Variants in ZDHHC14 observed in about 807,000 individuals in gnomAD.
ZDHHC14 encodes the protein palmitoyltransferase ZDHHC14.
ZDHHC14 carries 16 observed loss-of-function variants against 47.7 expected under a neutral mutation model. The observed-to-expected ratio is 0.34, with a 90% CI of 0.23 to 0.51. ZDHHC14 has a LOEUF of 0.51. Ranked by LOEUF, ZDHHC14 falls within the 20% of genes least tolerant of loss-of-function variation. The pLI is 0.97. For synonymous variants in ZDHHC14, 293 were observed against 278.9 expected (o/e 1.05, Z -0.50); for missense variants, 515 against 662.5 (o/e 0.78, Z 2.44).
At chr6:157,514,542 G>A (rs1780609498) in intron 1 of ZDHHC14, among the ~76,000 whole-genome samples, 1 of 152,254 alleles carries the variant, frequency 6.6e-6, no homozygotes, top group African/African-American at 2.4e-5. Flanking sequence ...ATTGGAAGAA[G>A]TCCCTGGAAT....
At chr6:157,566,419 A>G (rs1486879972) in intron 2 of ZDHHC14, among the ~76,000 whole-genome samples, 5 of 152,198 alleles carry the variant, frequency 3.3e-5, no homozygotes, top group African/African-American at 1.2e-4. Context: ...ATGGCCAAGG[A>G]AAAGGACAGA....
In ZDHHC14 at chr6:157,498,575, T is replaced by G. The variant is rs1219089668; in HGVS notation, c.246-44010T>G. 2.0e-5 allele frequency among the ~76,000 whole-genome samples: 3 copies of G among 152,344 alleles called. No individual in the cohort carries two copies. In the South Asian group the frequency reaches 6.2e-4, roughly 32 times the overall value. ...AGTAGGTACTGTTAGACAGATATTA[T>G]TATCATTGCACTGATATTATTATTT... On this transcript the variant is annotated intron_variant, in intron 1 of 8. Coordinates refer to ENST00000359775, the MANE Select transcript of ZDHHC14 (RefSeq NM_024630.3).
At chr6:157,411,608 A>G (rs560955844) in intron 1 of ZDHHC14, among the ~76,000 whole-genome samples, 104 of 152,300 alleles carry the variant, frequency 6.8e-4, no homozygotes, top group African/African-American at 2.4e-3. Context: ...TGTGAAAAAA[A>G]GGTTAAGGTT....
rs112807875 is a variant in ZDHHC14 at position 157,545,974 on chromosome 6, T to C, written c.406+3229T>C. 7.4e-3 allele frequency among the ~76,000 whole-genome samples: 1,130 copies of C among 152,156 alleles called. 15 individuals carry two copies. Among genetic ancestry groups the C allele is most frequent in the African/African-American group, 0.026 (1,089 of 41,420 alleles). On this transcript the variant is annotated intron_variant, in intron 2 of 8. Transcript: ENST00000359775. ...ATTGTAGATGTGTAGTAAATGATCG[T>C]TTTTTGTTTTGTCTAATTCTTCTCT... is the stretch of plus-strand genomic sequence containing the variant.
At chr6:157,602,726 A>T (rs1159861649) in intron 3 of ZDHHC14, among the ~76,000 whole-genome samples, 1 of 152,110 alleles carries the variant, frequency 6.6e-6, no homozygotes, top group Non-Finnish European at 1.5e-5. Flanking sequence ...GCTCCTGAGC[A>T]TGCAGGGAGC....
At chr6:157,415,051 G>T (rs113722519) in intron 1 of ZDHHC14, among the ~76,000 whole-genome samples, 3,294 of 152,106 alleles carry the variant, frequency 0.022, 130 homozygotes, top group African/African-American at 0.076. Context: ...GAGGACAGTG[G>T]GGGGATGTTG....
intron 1 of ZDHHC14, among the ~76,000 whole-genome samples, chr6:157,440,285 A>G (rs905355780): frequency 1.4e-4 from 22 of 152,180 alleles, no homozygotes; most frequent in African/African-American, 5.3e-4. Context: ...AAGAACCAGC[A>G]AGCCAAAAGA....
At chr6:157,615,935 G>C (rs1248382868) in intron 3 of ZDHHC14, among the ~76,000 whole-genome samples, 2 of 152,180 alleles carry the variant, frequency 1.3e-5, no homozygotes, top group Non-Finnish European at 1.5e-5. Flanking sequence ...GGTGAGAGAG[G>C]GGGCCAGAGG....
chr6:157,405,620 A>G (rs951168664), intron 1 of ZDHHC14, among the ~76,000 whole-genome samples: 7 of 152,152 alleles, frequency 4.6e-5, no homozygotes, highest in Admixed American at 3.9e-4. Context: ...GTTGATATTA[A>G]TAATAATGGT....
rs1290326805 is a variant in ZDHHC14, at chr6:157,673,403, G to A, written c.*281G>A. On this transcript the variant is annotated 3_prime_UTR_variant, in exon 9 of 9. Transcript: ENST00000359775. This position sits in a 1 kb window ranked among gnomAD's most constrained non-coding sequence, Gnocchi z 5.4. ...TTGGTGACCCTCCAGGGGTGGAATC[G>A]GAGTGTGTCTGCCCGCCCTTGTGAC... 1.8e-5 allele frequency: 9 copies of A among 494,200 alleles called. No individual in the cohort carries two copies. Among genetic ancestry groups the A allele is most frequent in the Admixed American group, 4.2e-5 (1 of 23,640 alleles). 30.6% of individuals were successfully genotyped at this position (494,200 alleles called of 1,614,324 possible).
intron 1 of ZDHHC14, among the ~76,000 whole-genome samples, chr6:157,446,082 A>G (rs556399857): frequency 3.0e-4 from 45 of 152,344 alleles, no homozygotes; most frequent in African/African-American, 9.9e-4. Flanking sequence ...TCTAAAAATA[A>G]TTCAAGGTGA....
At position 157,674,294 on chromosome 6, in the gene ZDHHC14, G is replaced by T. The variant is rs1400151711; in HGVS notation, c.*1172G>T. On this transcript the variant is annotated 3_prime_UTR_variant, in exon 9 of 9. Coordinates refer to ENST00000359775, the MANE Select transcript of ZDHHC14 (RefSeq NM_024630.3). Reference sequence around the variant, plus strand: ...TGTGTTAACGTGTCACTCAATCCCAGAAGTGCAACTTGAGGTCCTAGTAAA... The same window carrying T: ...TGTGTTAACGTGTCACTCAATCCCATAAGTGCAACTTGAGGTCCTAGTAAA... The T allele has an allele frequency of 6.6e-6, 1 of 152,222 alleles. No individual in the cohort carries two copies. The highest frequency in any genetic ancestry group is 1.5e-5 in the Non-Finnish European group (1 of 68,046). 9.4% of individuals were successfully genotyped at this position (152,222 alleles called of 1,614,324 possible). A position where few individuals can be genotyped will look rare whatever the true frequency, so the allele number is the denominator to read the frequency against.
intron 1 of ZDHHC14, among the ~76,000 whole-genome samples, chr6:157,425,510 T>C (rs1778200449): frequency 6.6e-6 from 1 of 152,244 alleles, no homozygotes; most frequent in African/African-American, 2.4e-5. Flanking sequence ...GGACATTGTG[T>C]CTTGCTTTTC....
intron 1 of ZDHHC14, among the ~76,000 whole-genome samples, chr6:157,452,689 G>GTTT (rs1778828593): frequency 3.3e-5 from 4 of 121,636 alleles, no homozygotes; most frequent in Non-Finnish European, 5.2e-5. Flanking sequence ...AATACATGGG[G>GTTT]ATTTTTTTTT....
At chr6:157,433,991 T>A (rs1161116678) in intron 1 of ZDHHC14, among the ~76,000 whole-genome samples, 2 of 152,186 alleles carry the variant, frequency 1.3e-5, no homozygotes, top group East Asian at 3.9e-4. Context: ...CTTAGCTAAG[T>A]GTACACATCA....
intron 1 of ZDHHC14, among the ~76,000 whole-genome samples, chr6:157,438,473 C>A (rs1778489684): frequency 1.3e-5 from 2 of 152,200 alleles, no homozygotes; most frequent in African/African-American, 4.8e-5. Context: ...ATGCCACGTG[C>A]AGACATCTCT....
At chr6:157,410,695 T>C (rs796117545) in intron 1 of ZDHHC14, among the ~76,000 whole-genome samples, 6 of 152,210 alleles carry the variant, frequency 3.9e-5, no homozygotes, top group African/African-American at 1.4e-4. Context: ...TCATCTCTCT[T>C]TTTTATTTAT....
chr6:157,658,492 C>A (rs868371249), intron 8 of ZDHHC14, among the ~76,000 whole-genome samples: 1 of 152,170 alleles, frequency 6.6e-6, no homozygotes, highest in African/African-American at 2.4e-5. Flanking sequence ...CCTCTCCTCC[C>A]ACCCACCCTG....
chr6:157,405,359 A>G (rs1233208975), intron 1 of ZDHHC14, among the ~76,000 whole-genome samples: 1 of 152,070 alleles, frequency 6.6e-6, no homozygotes, highest in Non-Finnish European at 1.5e-5. Flanking sequence ...CAGCCTCCCA[A>G]GTAGCTGGTA....
Sources: allele counts gnomAD v4.1 joint callset (sites outside exome capture counted in the v4.1 genomes callset), GRCh38; gene constraint gnomAD v4.1.1; non-coding constraint Gnocchi (gnomAD v3.1); transcripts MANE v1.5; gene names NCBI Gene and HGNC (gene_info 2026-07-23, HGNC 2026-07-21).